CFAP206: variants seen among roughly 807,000 people sequenced by gnomAD.
The protein encoded by CFAP206 is cilia- and flagella-associated protein 206.
In CFAP206, 53 loss-of-function variants were observed where a neutral mutation model predicts 65.4. The ratio of observed to expected loss-of-function variants is 0.81; its 90% CI spans 0.65 to 1.02. The LOEUF is 1.02. Among genes scored for constraint, CFAP206 ranks in the 50% least tolerant of loss-of-function variants. The pLI is 0.00. For synonymous variants in CFAP206, 250 were observed against 254.4 expected (o/e 0.98, Z 0.17); for missense variants, 663 against 753.2 (o/e 0.88, Z 1.40).
chr6:87,431,083 G>A lies in CFAP206; in HGVS notation c.1210G>A (p.Glu404Lys), dbSNP rs1562247280. The part of the protein sequence containing the change: ...DFRKLEWLFP[E>K]TTANFDKLLI... ...CAGAAAACTAGAATGGCTTTTCCCAGAAACAACAGCAAATTTTGATAAACT... is the reference window on the plus strand; with the variant it reads ...CAGAAAACTAGAATGGCTTTTCCCAAAAACAACAGCAAATTTTGATAAACT... Residue 404 changes from glutamate to lysine, a missense_variant, in exon 10 of 13, where the codon GAA (glutamate) becomes AAA (lysine). Physicochemically the swap from Glu to Lys is moderately conservative, Grantham distance 56. Coordinates refer to ENST00000369562, the MANE Select transcript of CFAP206 (RefSeq NM_001031743.3). 1 of 1,613,926 alleles carries A rather than the reference G, an allele frequency of 6.2e-7. No individual in the cohort carries two copies. Among genetic ancestry groups the A allele is most frequent in the Non-Finnish European group, 8.5e-7 (1 of 1,179,890 alleles).
chr6:87,422,389 G>GCAAT (rs946949577), intron 7 of CFAP206, among the ~76,000 whole-genome samples: 9 of 147,398 alleles, frequency 6.1e-5, no homozygotes, highest in African/African-American at 2.3e-4. Context: ...GGCAGAGGTT[G>GCAAT]CAATGAGCCA....
chr6:87,415,863 G>T lies in CFAP206; in HGVS notation c.461G>T (p.Arg154Ile). 1 of 1,562,836 alleles carries T rather than the reference G, an allele frequency of 6.4e-7. No individual in the cohort carries two copies. The change falls in exon 5 of 13, where the codon AGA becomes ATA. Residue 154 changes from arginine to isoleucine, a missense_variant. By Grantham distance (97) the Arg-to-Ile change is moderately conservative. Transcript: ENST00000369562. ...TCCCCTACAGACATCAAGACTGTCA[G>T]AGAGGTAACAGGTAAAAAGTATAAC... ...LGSPTDIKTV[R>I]EVTAALQSVF...
At chr6:87,409,341 G>A (rs1414559551) in intron 1 of CFAP206, among the ~76,000 whole-genome samples, 1 of 151,442 alleles carries the variant, frequency 6.6e-6, no homozygotes, top group Non-Finnish European at 1.5e-5. Flanking sequence ...AGCCTCCCAA[G>A]TAGCTGGGAT....
Position 87,422,607 on chromosome 6 carries a change from C to T in CFAP206, c.841-3919C>T, listed in dbSNP as rs189018072. Among the ~76,000 whole-genome samples the T allele has an allele frequency of 2.3e-4, 35 of 151,778 alleles. No individual in the cohort carries two copies. The East Asian group carries it at 6.6e-3, about 29-fold the overall frequency. ...TCTACTAAAAATACAAAAAATTAGCCCGGTGCAGTGGCAGGCACCTGTAAT... is the reference window on the plus strand; with the variant it reads ...TCTACTAAAAATACAAAAAATTAGCTCGGTGCAGTGGCAGGCACCTGTAAT... On this transcript the variant is annotated intron_variant, in intron 7 of 12. Coordinates refer to ENST00000369562, the MANE Select transcript of CFAP206 (RefSeq NM_001031743.3).
intron 11 of CFAP206, among the ~76,000 whole-genome samples, chr6:87,448,939 T>C (rs1768493704): frequency 6.6e-6 from 1 of 152,208 alleles, no homozygotes; most frequent in Admixed American, 6.5e-5. Context: ...ATATCTTGAC[T>C]ATTGTGAGTA....
At chr6:87,454,474 A>G (rs1277003668) in intron 11 of CFAP206, among the ~76,000 whole-genome samples, 1 of 152,236 alleles carries the variant, frequency 6.6e-6, no homozygotes, top group Non-Finnish European at 1.5e-5. Context: ...ATAAGACCAT[A>G]TGTTAGGCCA....
chr6:87,455,014 C>T (rs1450820734), intron 11 of CFAP206, among the ~76,000 whole-genome samples: 1 of 151,642 alleles, frequency 6.6e-6, no homozygotes, highest in South Asian at 2.1e-4. Flanking sequence ...CCTCTGCCTC[C>T]CGGGTTCAAG....
At chr6:87,432,027 T>A (rs955902297) in intron 10 of CFAP206, among the ~76,000 whole-genome samples, 3 of 152,162 alleles carry the variant, frequency 2.0e-5, no homozygotes, top group African/African-American at 7.2e-5. Flanking sequence ...TGAAAGAAAT[T>A]ATCATCCAAA....
chr6:87,454,837 T>C (rs1768606966), intron 11 of CFAP206, among the ~76,000 whole-genome samples: 1 of 125,602 alleles, frequency 8.0e-6, no homozygotes, highest in Non-Finnish European at 1.7e-5. Context: ...AGAGTGAGAC[T>C]CTGTCTCAAA....
intron 11 of CFAP206, among the ~76,000 whole-genome samples, chr6:87,454,767 C>G (rs1266098602): frequency 6.8e-6 from 1 of 147,466 alleles, no homozygotes; most frequent in Non-Finnish European, 1.5e-5. Flanking sequence ...ATTGCTTGAA[C>G]CCGGGAGGCA....
chr6:87,416,573 A>AC (rs1767832810), intron 5 of CFAP206, 96 bp from the exon 6 acceptor site: 1 of 1,092,110 alleles, frequency 9.2e-7, no homozygotes, highest in Non-Finnish European at 1.3e-6. Context: ...AGTAACTCAG[A>AC]CCCTTAACTT....
intron 10 of CFAP206, among the ~76,000 whole-genome samples, chr6:87,433,545 A>G (rs1436312682): frequency 1.3e-5 from 2 of 152,210 alleles, no homozygotes; most frequent in East Asian, 3.9e-4. Context: ...TTACTGGGTT[A>G]TTTTAAACAT....
intron 11 of CFAP206, among the ~76,000 whole-genome samples, chr6:87,446,548 G>C (rs894447197): frequency 6.6e-6 from 1 of 152,076 alleles, no homozygotes; most frequent in Non-Finnish European, 1.5e-5. Flanking sequence ...CTGTTCCATC[G>C]GTCTATGTGT....
At chr6:87,448,290 G>A (rs1405428209) in intron 11 of CFAP206, among the ~76,000 whole-genome samples, 1 of 152,074 alleles carries the variant, frequency 6.6e-6, no homozygotes, top group Non-Finnish European at 1.5e-5. Context: ...AATTAGCTGG[G>A]ACTACAGCCA....
chr6:87,425,311 G>T (rs1768021697), intron 7 of CFAP206, among the ~76,000 whole-genome samples: 1 of 152,102 alleles, frequency 6.6e-6, no homozygotes, highest in African/African-American at 2.4e-5. Context: ...CTCCTTAGAA[G>T]GATCACAAAC....
chr6:87,429,492 T>C (rs1768120900), intron 9 of CFAP206, among the ~76,000 whole-genome samples: 1 of 152,168 alleles, frequency 6.6e-6, no homozygotes. Flanking sequence ...TTGTTATATA[T>C]CTACCTCAGA....
chr6:87,453,652 G>C (rs1225320510), intron 11 of CFAP206, among the ~76,000 whole-genome samples: 1 of 152,060 alleles, frequency 6.6e-6, no homozygotes, highest in African/African-American at 2.4e-5. Context: ...TGCAATCAGA[G>C]TTAAGTTTTC....
chr6:87,423,665 T>G (rs2127950085), intron 7 of CFAP206, among the ~76,000 whole-genome samples: 1 of 152,344 alleles, frequency 6.6e-6, no homozygotes, highest in Admixed American at 6.5e-5. Context: ...TGCATAAATC[T>G]TAAAAGACTT....
intron 7 of CFAP206, among the ~76,000 whole-genome samples, chr6:87,421,430 G>A (rs1309304726): frequency 6.6e-6 from 1 of 152,112 alleles, no homozygotes; most frequent in Non-Finnish European, 1.5e-5. Flanking sequence ...AGGTTGCAGT[G>A]AGCTGAGATC....
Sources: allele counts gnomAD v4.1 joint callset (sites outside exome capture counted in the v4.1 genomes callset), GRCh38; gene constraint gnomAD v4.1.1; transcripts MANE v1.5; gene names NCBI Gene and HGNC (gene_info 2026-07-23, HGNC 2026-07-21).